The following TAOK1 variants were observed in gnomAD, a reference collection of about 807,000 sequenced individuals.
The protein encoded by TAOK1 is TAO kinase 1.
TAOK1 carries 21 observed loss-of-function variants against 138.3 expected under a neutral mutation model. That is an observed-to-expected ratio of 0.15 (90% CI 0.11 to 0.22). The LOEUF (loss-of-function observed/expected upper bound fraction) is 0.22, where lower values mean the gene tolerates loss of function less well. TAOK1 is among the 10% of genes least tolerant of loss of function. The probability of loss-of-function intolerance (pLI) is 1.00; values close to 1 mark genes in which losing one functional copy is unlikely to be tolerated. For missense variants in TAOK1, 651 were observed against 1,227.7 expected (o/e 0.53, Z 7.02); for synonymous variants, 361 against 398.4 (o/e 0.91, Z 1.12).
chr17:29,495,085 C>G (rs1343689800), intron 10 of TAOK1, among the ~76,000 whole-genome samples: 1 of 151,862 alleles, frequency 6.6e-6, no homozygotes, highest in African/African-American at 2.4e-5. Context: ...GGCTTTTAGT[C>G]TGTGTTAGTA....
intron 1 of TAOK1, among the ~76,000 whole-genome samples, chr17:29,451,038 A>G (rs559875585): frequency 1.1e-4 from 16 of 152,314 alleles, no homozygotes; most frequent in Middle Eastern, 3.4e-3. Flanking sequence ...GTTAGAGTTG[A>G]TTAGTACACT....
rs1466632138 is a variant in TAOK1 at position 29,544,828 on chromosome 17, G to A, written c.*1806G>A. 1 of 152,178 alleles carries A rather than the reference G, an allele frequency of 6.6e-6. No homozygotes were observed. Among genetic ancestry groups the A allele is most frequent in the African/African-American group, 2.4e-5 (1 of 41,452 alleles). The allele number at this position is 152,178 out of a possible 1,614,324, so 9.4% of individuals were successfully genotyped here. On this transcript the variant is annotated 3_prime_UTR_variant, in exon 20 of 20. Coordinates refer to ENST00000261716, the MANE Select transcript of TAOK1 (RefSeq NM_020791.4). ...TTTCCTATAGTCAGAGGGCTCCAAG[G>A]TAGAACTCTCTAAGTCCCTCTCAAT...
intron 1 of TAOK1, among the ~76,000 whole-genome samples, chr17:29,421,113 A>G (rs1840063987): frequency 1.3e-5 from 2 of 151,662 alleles, no homozygotes; most frequent in Admixed American, 1.3e-4. Flanking sequence ...TATTTTTTGT[A>G]GAGACAGGTT....
intron 3 of TAOK1, among the ~76,000 whole-genome samples, chr17:29,472,994 A>G (rs1268384959): frequency 6.6e-6 from 1 of 152,208 alleles, no homozygotes; most frequent in East Asian, 1.9e-4. Flanking sequence ...TATCTCTATC[A>G]GAGTTCTTGG....
At chr17:29,446,623 T>C (rs1263042061) in intron 1 of TAOK1, among the ~76,000 whole-genome samples, 1 of 152,216 alleles carries the variant, frequency 6.6e-6, no homozygotes, top group African/African-American at 2.4e-5. Flanking sequence ...TACTTAGAAG[T>C]ATGTCATTCA....
chr17:29,407,353 C>T (rs888924025), intron 1 of TAOK1, among the ~76,000 whole-genome samples: 1 of 152,146 alleles, frequency 6.6e-6, no homozygotes, highest in African/African-American at 2.4e-5. Context: ...GTAGGTGTCT[C>T]TCAACACAAT....
At chr17:29,535,005 A>T (rs1481657815) in intron 19 of TAOK1, among the ~76,000 whole-genome samples, 1 of 151,896 alleles carries the variant, frequency 6.6e-6, no homozygotes, top group Non-Finnish European at 1.5e-5. Context: ...TGAGAGGTAA[A>T]GAGAAGAAAG....
Position 29,477,661 on chromosome 17 carries a change from C to T in TAOK1, c.307C>T (p.Leu103Phe), listed in dbSNP as rs1327291418. 30 of 1,379,690 alleles carry T rather than the reference C, an allele frequency of 2.2e-5. No homozygotes were observed. The highest frequency in any genetic ancestry group is 2.7e-5 in the Non-Finnish European group (29 of 1,054,974). The allele number at this position is 1,379,690 out of a possible 1,614,324, so 85.5% of individuals were successfully genotyped here. A position where few individuals can be genotyped will look rare whatever the true frequency, so the allele number is the denominator to read the frequency against. ...GCYLREHTAW[L>F]VMEYCLGSAS... is the part of the protein sequence containing the mutation. ...ATGCTTTTATAACTTTTCCATGTAG[C>T]TTGTAATGGAATATTGTTTAGGATC... Residue 103 changes from leucine to phenylalanine, a missense_variant and splice_region_variant, in exon 5 of 20, where the codon CTT (leucine) becomes TTT (phenylalanine). Around this residue, in one of 8 missense-constraint regions of TAOK1, gnomAD observed 116 missense variants for 213.9 expected, o/e 0.54. Coordinates refer to ENST00000261716, the MANE Select transcript of TAOK1 (RefSeq NM_020791.4).
At chr17:29,468,553 C>A (rs2030738171) in intron 3 of TAOK1, among the ~76,000 whole-genome samples, 1 of 145,902 alleles carries the variant, frequency 6.9e-6, no homozygotes, top group South Asian at 2.2e-4. Context: ...TGGATATGAT[C>A]TTTTTTTTTT....
intron 1 of TAOK1, among the ~76,000 whole-genome samples, chr17:29,440,392 G>A (rs777070227): frequency 5.9e-5 from 9 of 152,060 alleles, no homozygotes; most frequent in Non-Finnish European, 1.0e-4. Flanking sequence ...ACTCTGTGTT[G>A]TAGTCTGCTC....
At chr17:29,542,311 C>T (rs1309437198) in intron 19 of TAOK1, among the ~76,000 whole-genome samples, 1 of 151,970 alleles carries the variant, frequency 6.6e-6, no homozygotes, top group Non-Finnish European at 1.5e-5. Flanking sequence ...TATGGGTGCA[C>T]TAAAAGCCCA....
At chr17:29,437,423 C>A (rs1480462455) in intron 1 of TAOK1, among the ~76,000 whole-genome samples, 1 of 152,006 alleles carries the variant, frequency 6.6e-6, no homozygotes, top group Non-Finnish European at 1.5e-5. Flanking sequence ...GTCTTGAACT[C>A]CTGACCTCAA....
chr17:29,398,252 G>A (rs1598463318), intron 1 of TAOK1, among the ~76,000 whole-genome samples: 2 of 152,066 alleles, frequency 1.3e-5, no homozygotes, highest in East Asian at 3.9e-4. Flanking sequence ...TTGTTGCCCA[G>A]GCTGGAGTGC....
chr17:29,428,925 G>A (rs1029309246), intron 1 of TAOK1, among the ~76,000 whole-genome samples: 1 of 151,924 alleles, frequency 6.6e-6, no homozygotes, highest in African/African-American at 2.4e-5. Flanking sequence ...GAGCCACTGC[G>A]CCCACCCCAG....
At chr17:29,490,472 CAT>C (rs2031275382) in intron 9 of TAOK1, among the ~76,000 whole-genome samples, 1 of 152,186 alleles carries the variant, frequency 6.6e-6, no homozygotes, top group African/African-American at 2.4e-5. Context: ...AATTCACAGA[CAT>C]ATAAATTAGG....
At chr17:29,542,168 C>T (rs1199607038) in intron 19 of TAOK1, among the ~76,000 whole-genome samples, 2 of 152,152 alleles carry the variant, frequency 1.3e-5, no homozygotes, top group Non-Finnish European at 2.9e-5. Context: ...TGAGCCACCG[C>T]GCCCGGCCTT....
chr17:29,509,721 C>T (rs887524644), intron 14 of TAOK1, among the ~76,000 whole-genome samples: 1 of 150,892 alleles, frequency 6.6e-6, no homozygotes, highest in African/African-American at 2.4e-5. Context: ...TGGGAAGACT[C>T]TGTCTCCACA....
At chr17:29,402,351 G>C (rs1195914323) in intron 1 of TAOK1, among the ~76,000 whole-genome samples, 1 of 152,056 alleles carries the variant, frequency 6.6e-6, no homozygotes, top group African/African-American at 2.4e-5. Flanking sequence ...CCCTATGCTA[G>C]AGTCCAGTGG....
At chr17:29,502,348 T>C (rs1234851084) in intron 12 of TAOK1, among the ~76,000 whole-genome samples, 8 of 152,216 alleles carry the variant, frequency 5.3e-5, no homozygotes, top group Admixed American at 4.6e-4. Flanking sequence ...GCAGATCGTT[T>C]GAGCTTGGGA....
Sources: gnomAD v4.1 joint callset for allele counts (sites outside exome capture counted in the v4.1 genomes callset) on GRCh38, gnomAD v4.1.1 for gene constraint, gnomAD v4.1.1 regional missense constraint, MANE v1.5 for transcripts, NCBI Gene and HGNC (gene_info 2026-07-23, HGNC 2026-07-21) for gene names.